Variants in ZNF7 observed in about 807,000 individuals in gnomAD.
The protein encoded by ZNF7 is zinc finger protein 7.
Under a neutral mutation model 12.0 loss-of-function variants are expected in ZNF7, and 10 were observed. The observed-to-expected ratio is 0.83, with a 90% confidence interval of 0.51 to 1.42. The LOEUF (loss-of-function observed/expected upper bound fraction) is 1.42. Ranked by LOEUF, ZNF7 falls within the 40% of genes most tolerant of loss-of-function variation. The pLI, the probability that ZNF7 is intolerant of heterozygous loss-of-function variation, is 0.00. For synonymous variants in ZNF7, 334 were observed against 295.0 expected, an observed-to-expected ratio of 1.13 and a Z score of -1.35; for missense variants, 854 against 837.2, an observed-to-expected ratio of 1.02 and a Z score of -0.25.
chr8:144,834,113 C>T (rs1332505482), intron 3 of ZNF7: 1 of 152,162 alleles, frequency 6.6e-6, no homozygotes, highest in African/African-American at 2.4e-5. Flanking sequence ...TTCCTAAAAG[C>T]CACTGGAATT....
Position 144,841,871 on chromosome 8 carries a change from G to C in ZNF7, c.764G>C (p.Cys255Ser). 6.2e-7 allele frequency: 1 copy of C among 1,614,160 alleles called. No homozygotes were observed. The highest frequency in any genetic ancestry group is 8.5e-7 in the Non-Finnish European group (1 of 1,180,006). Reference sequence around the variant, plus strand: ...GAGAAGCCGTACGAATGTGCAGAGTGTGGGAAAGTCTTCAGGCTCTGCTCG... The same window carrying C: ...GAGAAGCCGTACGAATGTGCAGAGTCTGGGAAAGTCTTCAGGCTCTGCTCG... ...HGEKPYECAE[C>S]GKVFRLCSQL... Residue 255 changes from cysteine to serine, a missense_variant, in exon 5 of 5, where the codon TGT becomes TCT. Physicochemically the swap from Cys to Ser is moderately radical, Grantham distance 112. Coordinates refer to ENST00000532777, the MANE Select transcript of ZNF7 (RefSeq NM_003416.4).
At chr8:144,828,902 C>G in intron 1 of ZNF7, 141 bp from the exon 2 acceptor site, 1 of 1,073,714 alleles carries the variant, frequency 9.3e-7, no homozygotes, top group Non-Finnish European at 1.3e-6. Context: ...AGTGCCATGG[C>G]TGCTTCAGCC....
Position 144,843,136 on chromosome 8 carries a change from C to G in ZNF7, c.2029C>G (p.Leu677Val). 1 of 1,597,774 alleles carries G rather than the reference C, an allele frequency of 6.3e-7. No individual in the cohort carries two copies. The highest frequency in any genetic ancestry group is 1.1e-5 in the South Asian group (1 of 88,402). The change falls in exon 5 of 5, where the codon CTT becomes GTT. Residue 677 changes from leucine to valine, a missense_variant. Coordinates refer to ENST00000532777, the MANE Select transcript of ZNF7 (RefSeq NM_003416.4). The part of the protein sequence containing the change: ...CGKAFNRSSR[L>V]TQHQKIHMG ...CAAAGCTTTTAATCGTAGCTCAAGG[C>G]TTACCCAGCATCAAAAAATTCACAT...
chr8:144,834,911 T>C (rs1391442251), intron 3 of ZNF7: 1 of 151,968 alleles, frequency 6.6e-6, no homozygotes, highest in Non-Finnish European at 1.5e-5. Context: ...TGGCTAAATT[T>C]TTTTGTATTT....
rs142989599 is a variant in ZNF7, at chr8:144,834,584, A to G, written c.131-2807A>G. The G allele has an allele frequency of 5.9e-5, 9 of 152,194 alleles. No individual in the cohort carries two copies. The East Asian group carries it at 1.7e-3, about 29-fold the overall frequency. 9.4% of individuals were successfully genotyped at this position (152,194 alleles called of 1,614,324 possible). A position where few individuals can be genotyped will look rare whatever the true frequency, so the allele number is the denominator to read the frequency against. ...TTTCTTTATTAATGCAGGAAATTAC[A>G]TTGTTATATTTTCTTGTATTCCTGG... On this transcript the variant is annotated intron_variant, in intron 3 of 4. Transcript: ENST00000532777.
In ZNF7 at chr8:144,829,625, C is replaced by A. The variant is rs1828204001; in HGVS notation, c.130+21C>A. The stretch of plus-strand genomic sequence containing the variant: ...ACTAGGTGAGGCTGCACCTTGGGGC[C>A]CCTTCCCCTGCATCATCAGTCAGCA... On this transcript the variant is annotated intron_variant, in intron 3 of 4. Coordinates refer to ENST00000532777, the MANE Select transcript of ZNF7 (RefSeq NM_003416.4). 8.2e-6 allele frequency: 13 copies of A among 1,589,900 alleles called. No individual in the cohort carries two copies. The East Asian group carries it at 2.3e-4, about 28-fold the overall frequency.
At chr8:144,833,565 A>G (rs1325308581) in intron 3 of ZNF7, among the ~76,000 whole-genome samples, 3 of 150,616 alleles carry the variant, frequency 2.0e-5, no homozygotes, top group South Asian at 4.2e-4. Context: ...TTTACTAGAG[A>G]TGGGGTTTCG....
downstream of ZNF7, chr8:144,847,395 A>AT (rs1167151058): frequency 3.3e-5 from 5 of 152,326 alleles, no homozygotes; most frequent in African/African-American, 9.6e-5. Context: ...GTGAGCTGTG[A>AT]TCGCACCACT....
chr8:144,844,665 C>T (rs913058897), downstream of ZNF7, among the ~76,000 whole-genome samples: 10 of 144,028 alleles, frequency 6.9e-5, no homozygotes, highest in African/African-American at 1.0e-4. Flanking sequence ...GCCAAGATCA[C>T]GCCACTGCAC....
At chr8:144,832,967 G>A (rs1359028524) in intron 3 of ZNF7, among the ~76,000 whole-genome samples, 1 of 152,052 alleles carries the variant, frequency 6.6e-6, no homozygotes, top group Non-Finnish European at 1.5e-5. Flanking sequence ...GTAGGCCGAG[G>A]TGGGCGGATC....
chr8:144,846,330 C>T (rs900524221), downstream of ZNF7: 3 of 708,668 alleles, frequency 4.2e-6, no homozygotes, highest in African/African-American at 3.6e-5. Flanking sequence ...GCAAACCATT[C>T]GTAGCTTTTT....
At position 144,842,994 on chromosome 8, in the gene ZNF7, T is replaced by G. The variant is rs749763735; in HGVS notation, c.1887T>G (p.Thr629=). 3 of 1,614,204 alleles carry G rather than the reference T, an allele frequency of 1.9e-6. No individual in the cohort carries two copies. Among genetic ancestry groups the G allele is most frequent in the South Asian group, 1.1e-5 (1 of 91,080 alleles). The change falls in exon 5 of 5, where the codon ACT becomes ACG. Residue 629 remains threonine (T), a synonymous_variant. Transcript: ENST00000532777. ...TTGTGAGCCGTAAAAAGGTTAATAC[T>G]ATAAAGAAACTGCATCAGTGTGAAG... is the stretch of plus-strand genomic sequence containing the variant. ...STFVSRKKVN[T]IKKLHQCEDC...
intron 3 of ZNF7, among the ~76,000 whole-genome samples, chr8:144,830,576 C>T (rs777373786): frequency 2.0e-5 from 3 of 152,186 alleles, no homozygotes; most frequent in Non-Finnish European, 4.4e-5. Context: ...ATGTACACAT[C>T]ATTATTTTAA....
chr8:144,830,728 CTT>C (rs756859185), intron 3 of ZNF7, among the ~76,000 whole-genome samples: 8 of 138,940 alleles, frequency 5.8e-5, no homozygotes, highest in Admixed American at 7.2e-5. Context: ...AGTGAGGGTC[CTT>C]TTTTTTTTTT....
In ZNF7 at chr8:144,841,812, C is replaced by G; in HGVS notation, c.705C>G (p.Cys235Trp). ...CQECQKKLSDCLQGKHTNNCH... is the reference protein window; with the variant it reads ...CQECQKKLSDWLQGKHTNNCH... ...AATGCCAAAAAAAGTTATCTGACTG[C>G]TTGCAGGGGAAACATACAAATAACT... The change falls in exon 5 of 5, where the codon TGC becomes TGG. Residue 235 changes from cysteine to tryptophan, a missense_variant. By Grantham distance (215) the Cys-to-Trp change is radical. Transcript: ENST00000532777. 6.2e-7 allele frequency: 1 copy of G among 1,614,160 alleles called. No homozygotes were observed. The highest frequency in any genetic ancestry group is 8.5e-7 in the Non-Finnish European group (1 of 1,180,040).
intron 4 of ZNF7, chr8:144,838,438 G>A: frequency 2.5e-6 from 1 of 399,302 alleles, no homozygotes; most frequent in Non-Finnish European, 4.5e-6. Flanking sequence ...CTGGTGCTCT[G>A]CTCCCCTGCT....
chr8:144,829,661 C>A, intron 3 of ZNF7, 57 bp downstream of exon 3: 1 of 1,554,424 alleles, frequency 6.4e-7, no homozygotes, highest in Non-Finnish European at 8.7e-7. Context: ...CCCACCCAGC[C>A]AGGCCTCCAT....
At chr8:144,828,206 T>C (rs1828015124) in intron 1 of ZNF7, among the ~76,000 whole-genome samples, 1 of 152,128 alleles carries the variant, frequency 6.6e-6, no homozygotes, top group African/African-American at 2.4e-5. Context: ...CGAAGACTCT[T>C]TTTCCCATTC....
At chr8:144,833,543 A>AT (rs1828681840) in intron 3 of ZNF7, among the ~76,000 whole-genome samples, 3 of 151,282 alleles carry the variant, frequency 2.0e-5, no homozygotes, top group Non-Finnish European at 3.0e-5. Context: ...CACCCGGCCA[A>AT]TTTTTTGTAT....
Sources: allele counts gnomAD v4.1 joint callset (sites outside exome capture counted in the v4.1 genomes callset), GRCh38; gene constraint gnomAD v4.1.1; transcripts MANE v1.5; gene names NCBI Gene and HGNC (gene_info 2026-07-23, HGNC 2026-07-21).